Variants in EFCAB6 observed in about 807,000 individuals in gnomAD.
EFCAB6 encodes EF-hand calcium-binding domain-containing protein 6.
Under a neutral mutation model 169.8 loss-of-function variants are expected in EFCAB6, and 156 were observed. That is an observed-to-expected ratio of 0.92 (90% CI 0.81 to 1.05). The LOEUF is 1.05. Ranked by LOEUF, EFCAB6 falls within the 50% of genes least tolerant of loss-of-function variation. The pLI is 0.00. For synonymous variants in EFCAB6, 698 were observed against 676.4 expected (o/e 1.03, Z -0.50); for missense variants, 1,800 against 1,829.1 (o/e 0.98, Z 0.29).
intron 24 of EFCAB6, among the ~76,000 whole-genome samples, chr22:43,585,590 T>A (rs2051011513): frequency 6.6e-6 from 1 of 152,156 alleles, no homozygotes; most frequent in Admixed American, 6.5e-5. Context: ...AAAACCCATT[T>A]TAATTAATAA....
chr22:43,603,971 A>G (rs1288770641), intron 22 of EFCAB6, among the ~76,000 whole-genome samples: 1 of 152,134 alleles, frequency 6.6e-6, no homozygotes, highest in Non-Finnish European at 1.5e-5. Flanking sequence ...TTCTCGTGAT[A>G]TTGAGTTCTC....
chr22:43,728,066 C>A (rs2059802670), intron 8 of EFCAB6, among the ~76,000 whole-genome samples: 1 of 151,998 alleles, frequency 6.6e-6, no homozygotes, highest in Non-Finnish European at 1.5e-5. Context: ...CTCCCCTTTG[C>A]CCCCACCCCA....
At chr22:43,749,860 T>C (rs1050322945) in intron 6 of EFCAB6, among the ~76,000 whole-genome samples, 1 of 152,210 alleles carries the variant, frequency 6.6e-6, no homozygotes, top group Admixed American at 6.5e-5. Context: ...GGTGAGTTCA[T>C]TTTATATTTA....
intron 2 of EFCAB6, chr22:43,802,719 A>G (rs543649700): frequency 2.0e-6 from 1 of 506,658 alleles, no homozygotes; most frequent in Admixed American, 2.1e-5. Flanking sequence ...CCTGCACAAC[A>G]TGGAGATGCC....
At chr22:43,623,305 G>C (rs1265921434) in intron 20 of EFCAB6, among the ~76,000 whole-genome samples, 5 of 152,136 alleles carry the variant, frequency 3.3e-5, no homozygotes, top group Non-Finnish European at 7.3e-5. Context: ...TGTACTCCAT[G>C]CAGGCTGTAA....
At chr22:43,717,610 T>C (rs1342210358) in intron 8 of EFCAB6, among the ~76,000 whole-genome samples, 3 of 152,188 alleles carry the variant, frequency 2.0e-5, no homozygotes, top group African/African-American at 7.2e-5. Flanking sequence ...TCATTGATCA[T>C]TTTTAAAGTC....
At chr22:43,686,697 C>G (rs2058209452) in intron 11 of EFCAB6, among the ~76,000 whole-genome samples, 1 of 152,108 alleles carries the variant, frequency 6.6e-6, no homozygotes, top group Non-Finnish European at 1.5e-5. Context: ...ATCCCCGAGA[C>G]AGGGACAGGA....
At chr22:43,778,848 G>C (rs1217340501) in intron 3 of EFCAB6, among the ~76,000 whole-genome samples, 1 of 152,076 alleles carries the variant, frequency 6.6e-6, no homozygotes, top group African/African-American at 2.4e-5. Context: ...AAATATTATT[G>C]ACTTCTGTCT....
Position 43,708,089 on chromosome 22 carries a change from TAAA to T in EFCAB6, c.1031+3383_1031+3385del, listed in dbSNP as rs137824. On this transcript the variant is annotated intron_variant, in intron 10 of 31. Transcript: ENST00000262726. ...GAAAAAAAAGAGTGATAAAGAAAAC[TAAA>T]AAAAAAAAAAAAAAAAAGAAAGAAA... Among the ~76,000 whole-genome samples the T allele has an allele frequency of 8.7e-4, 100 of 115,532 alleles. 1 individual carries two copies. The highest frequency in any genetic ancestry group is 5.5e-3 in the Middle Eastern group (1 of 182). 75.8% of individuals were successfully genotyped at this position (115,532 alleles called of 152,430 possible). A position where few individuals can be genotyped will look rare whatever the true frequency, so the allele number is the denominator to read the frequency against.
In EFCAB6 at chr22:43,677,956, A is replaced by G. The variant is rs1044179486; in HGVS notation, c.1419+40T>C. On this transcript the variant is annotated intron_variant, in intron 13 of 31. Transcript: ENST00000262726. ...ATTAGGAATACTGAAATTTCCCAAC[A>G]TAAAGAGAAAACCAAACAGGAAGTT... 7.6e-6 allele frequency: 12 copies of G among 1,584,894 alleles called. No homozygotes were observed. The East Asian group carries it at 2.0e-4, about 27-fold the overall frequency.
chr22:43,577,561 T>C (rs1405339035), intron 25 of EFCAB6, among the ~76,000 whole-genome samples: 1 of 152,204 alleles, frequency 6.6e-6, no homozygotes, highest in Non-Finnish European at 1.5e-5. Flanking sequence ...AACTTTAGCT[T>C]CTTTACTGTA....
chr22:43,624,628 G>A (rs987913692), intron 20 of EFCAB6, among the ~76,000 whole-genome samples: 2 of 152,200 alleles, frequency 1.3e-5, no homozygotes, highest in African/African-American at 2.4e-5. Context: ...CAGCTCAAAC[G>A]TCCCTCCTTT....
At position 43,537,476 on chromosome 22, in the gene EFCAB6, G is replaced by A. The variant is rs1270871560; in HGVS notation, c.3949C>T (p.Leu1317Phe). 1.2e-6 allele frequency: 2 copies of A among 1,613,970 alleles called. No individual in the cohort carries two copies. Among genetic ancestry groups the A allele is most frequent in the Non-Finnish European group, 1.7e-6 (2 of 1,180,028 alleles). The change falls in exon 29 of 32, where the codon CTC (leucine) becomes TTC (phenylalanine). Residue 1317 changes from leucine to phenylalanine, a missense_variant. Transcript: ENST00000262726. This position sits in a 1 kb window ranked among gnomAD's most constrained non-coding sequence, Gnocchi z 4.3. ...CAGCAGCCCTGGATTCTCTTCCGGA[G>A]CCTGCTCTCTATGGGATCACAGTTC... ...LQNCDPIESR[L>F]RKRIQGCWRQ...
chr22:43,650,683 A>C (rs2056424755), intron 17 of EFCAB6, among the ~76,000 whole-genome samples: 1 of 152,228 alleles, frequency 6.6e-6, no homozygotes, highest in Non-Finnish European at 1.5e-5. Flanking sequence ...GAAAGTTTGG[A>C]AATTCCTAGA....
chr22:43,755,719 A>T (rs370922229), intron 6 of EFCAB6, 47 bp downstream of exon 6: 2 of 1,515,706 alleles, frequency 1.3e-6, no homozygotes, highest in East Asian at 2.3e-5. Flanking sequence ...ATTACTGCTG[A>T]CAATGGGTGG....
At chr22:43,656,333 G>C (rs2056740075) in intron 17 of EFCAB6, among the ~76,000 whole-genome samples, 3 of 151,890 alleles carry the variant, frequency 2.0e-5, no homozygotes, top group Non-Finnish European at 4.4e-5. Context: ...GAGATTTGCA[G>C]TGAGCCAAGA....
At chr22:43,741,428 C>T (rs957460576) in intron 6 of EFCAB6, among the ~76,000 whole-genome samples, 13 of 152,216 alleles carry the variant, frequency 8.5e-5, no homozygotes, top group South Asian at 2.1e-4. Context: ...GTTCAGGTCT[C>T]CATCCCACGC....
rs1267087309 is a variant in EFCAB6, at chr22:43,626,158, A to G, written c.2465+289T>C. ...CACACACGTATATATGTATATATTTATATATGTGTGTCACACACACGTATG... is the reference window on the plus strand; with the variant it reads ...CACACACGTATATATGTATATATTTGTATATGTGTGTCACACACACGTATG... On this transcript the variant is annotated intron_variant, in intron 20 of 31. Coordinates refer to ENST00000262726, the MANE Select transcript of EFCAB6 (RefSeq NM_022785.4). 2.6e-5 allele frequency among the ~76,000 whole-genome samples: 4 copies of G among 152,236 alleles called. No individual in the cohort carries two copies. In the East Asian group the frequency reaches 5.8e-4, roughly 22 times the overall value.
At chr22:43,789,692 T>C (rs900372843) in intron 2 of EFCAB6, among the ~76,000 whole-genome samples, 3 of 152,194 alleles carry the variant, frequency 2.0e-5, no homozygotes, top group African/African-American at 4.8e-5. Context: ...AATGAGGAGT[T>C]TGGCTTATTA....
Sources: allele counts gnomAD v4.1 joint callset (sites outside exome capture counted in the v4.1 genomes callset), GRCh38; gene constraint gnomAD v4.1.1; non-coding constraint Gnocchi (gnomAD v3.1); transcripts MANE v1.5; gene names NCBI Gene and HGNC (gene_info 2026-07-23, HGNC 2026-07-21).